Variants in DNM2 observed in about 807,000 individuals in gnomAD.
DNM2 encodes the protein dynamin-2.
DNM2 carries 15 observed loss-of-function variants against 99.0 expected under a neutral mutation model. The ratio of observed to expected loss-of-function variants is 0.15; its 90% CI spans 0.10 to 0.23. The LOEUF (loss-of-function observed/expected upper bound fraction) is 0.23, where lower values mean the gene tolerates loss of function less well. DNM2 is among the 10% of genes least tolerant of loss of function. The pLI, the probability that DNM2 is intolerant of heterozygous loss-of-function variation, is 1.00. For synonymous variants in DNM2, 525 were observed against 481.2 expected, an observed-to-expected ratio of 1.09 and a Z score of -1.19; for missense variants, 742 against 1,189.4, an observed-to-expected ratio of 0.62 and a Z score of 5.53.
intron 6 of DNM2, among the ~76,000 whole-genome samples, chr19:10,785,041 C>T (rs2145971014): frequency 6.6e-6 from 1 of 152,186 alleles, no homozygotes; most frequent in East Asian, 1.9e-4. Flanking sequence ...CCAGGCTTGT[C>T]TCCTAATCTC....
intron 1 of DNM2, among the ~76,000 whole-genome samples, chr19:10,728,960 C>A (rs1482949063): frequency 1.4e-5 from 2 of 147,424 alleles, no homozygotes; most frequent in African/African-American, 2.5e-5. Flanking sequence ...AAAAAAAAGG[C>A]TGTATGCGGT....
At chr19:10,724,468 C>T (rs916413606) in intron 1 of DNM2, among the ~76,000 whole-genome samples, 1 of 152,040 alleles carries the variant, frequency 6.6e-6, no homozygotes, top group African/African-American at 2.4e-5. Flanking sequence ...TGAGCCACTG[C>T]GCCTGGCCAG....
chr19:10,730,306 G>A lies in DNM2; in HGVS notation c.161+11903G>A, dbSNP rs528097660. 7.2e-5 allele frequency among the ~76,000 whole-genome samples: 11 copies of A among 152,256 alleles called. No individual in the cohort carries two copies. In the South Asian group the frequency reaches 2.1e-3, roughly 29 times the overall value. On this transcript the variant is annotated intron_variant, in intron 1 of 20. Coordinates refer to ENST00000389253, the MANE Select transcript of DNM2 (RefSeq NM_001005361.3). Reference sequence around the variant, plus strand: ...AGCCTGGGCAACATGGTGAGACCTCGTCTCTACCAAAAATACAAAAATTAG... The same window carrying A: ...AGCCTGGGCAACATGGTGAGACCTCATCTCTACCAAAAATACAAAAATTAG...
chr19:10,802,215 G>A (rs990542960), intron 11 of DNM2, 73 bp from the exon 12 acceptor site: 2 of 1,542,358 alleles, frequency 1.3e-6, no homozygotes, highest in Admixed American at 3.3e-5. Context: ...GGCAAGGCCA[G>A]GAAATGCTCT....
intron 1 of DNM2, among the ~76,000 whole-genome samples, chr19:10,719,146 T>C (rs558112167): frequency 2.0e-5 from 3 of 151,702 alleles, no homozygotes. Context: ...CTCTCTTCCG[T>C]GTGAATTCTT....
At chr19:10,815,849 C>T (rs1485318086) in intron 15 of DNM2, among the ~76,000 whole-genome samples, 1 of 152,162 alleles carries the variant, frequency 6.6e-6, no homozygotes, top group East Asian at 1.9e-4. Flanking sequence ...CCAGGATAGG[C>T]AGGACTGGGC....
rs2070771478 is a variant in DNM2 at position 10,765,537 on chromosome 19, G to A, written c.235+5726G>A. 2.0e-5 allele frequency among the ~76,000 whole-genome samples: 3 copies of A among 152,242 alleles called. No individual in the cohort carries two copies. Among genetic ancestry groups the A allele is most frequent in the African/African-American group, 2.4e-5 (1 of 41,464 alleles). ...AGACCAAGCTGGCGTGCGTCAGGCTGTGGGCTGGCTGGGATGCCTGCCCAG... is the reference window on the plus strand; with the variant it reads ...AGACCAAGCTGGCGTGCGTCAGGCTATGGGCTGGCTGGGATGCCTGCCCAG... On this transcript the variant is annotated intron_variant, in intron 2 of 20. Transcript: ENST00000389253. The surrounding 1 kb of genome is among the most constrained non-coding windows in gnomAD (Gnocchi z 4.4).
chr19:10,828,460 G>T (rs746955859), intron 18 of DNM2, among the ~76,000 whole-genome samples: 2 of 151,994 alleles, frequency 1.3e-5, no homozygotes, highest in Non-Finnish European at 2.9e-5. Flanking sequence ...GGTGGCAGGC[G>T]CCTGTAGTCC....
At chr19:10,780,082 C>T (rs2071311031) in intron 5 of DNM2, among the ~76,000 whole-genome samples, 2 of 152,162 alleles carry the variant, frequency 1.3e-5, no homozygotes, top group South Asian at 2.1e-4. Flanking sequence ...GGGTTTTCCA[C>T]CTCGATGTCT....
chr19:10,762,203 A>AT (rs1321126817), intron 2 of DNM2, among the ~76,000 whole-genome samples: 1 of 152,040 alleles, frequency 6.6e-6, no homozygotes, highest in East Asian at 1.9e-4. Flanking sequence ...CGCCCGGCTA[A>AT]TTTTTTGTGT....
intron 6 of DNM2, among the ~76,000 whole-genome samples, chr19:10,785,496 A>T (rs1177191112): frequency 1.3e-5 from 2 of 151,738 alleles, no homozygotes; most frequent in Non-Finnish European, 2.9e-5. Context: ...AGTGACACAA[A>T]CACGGCTCAT....
chr19:10,746,180 C>A (rs529786769), intron 1 of DNM2, among the ~76,000 whole-genome samples: 1 of 152,160 alleles, frequency 6.6e-6, no homozygotes, highest in African/African-American at 2.4e-5. Context: ...AGGCTGCTCT[C>A]GAACTCTGGA....
At chr19:10,799,530 TTTTG>T (rs1256862294) in intron 11 of DNM2, among the ~76,000 whole-genome samples, 2,796 of 145,636 alleles carry the variant, frequency 0.019, 42 homozygotes, top group African/African-American at 0.028. Context: ...TGTTGTGGTT[TTTTG>T]TTTTTTTTTT....
intron 12 of DNM2, 73 bp from the exon 13 acceptor site, chr19:10,805,843 C>T (rs1442999917): frequency 1.0e-5 from 16 of 1,600,536 alleles, no homozygotes; most frequent in Non-Finnish European, 8.6e-7. Context: ...GAGAGAACGG[C>T]CACATTCGCC....
At chr19:10,744,660 G>T (rs903330460) in intron 1 of DNM2, among the ~76,000 whole-genome samples, 12 of 152,266 alleles carry the variant, frequency 7.9e-5, no homozygotes, top group African/African-American at 2.4e-4. Context: ...CCCTGTAAGG[G>T]CTGCAGACAC....
intron 7 of DNM2, among the ~76,000 whole-genome samples, chr19:10,789,572 C>T (rs541481951): frequency 6.6e-6 from 1 of 152,172 alleles, no homozygotes; most frequent in East Asian, 1.9e-4. Context: ...ATGGTTCACG[C>T]CTGTATTCCC....
At chr19:10,720,729 C>CA (rs1046094176) in intron 1 of DNM2, among the ~76,000 whole-genome samples, 2 of 151,810 alleles carry the variant, frequency 1.3e-5, no homozygotes, top group African/African-American at 2.4e-5. Flanking sequence ...GATCCGGTTT[C>CA]AAAAAAAGAA....
At chr19:10,787,546 C>T (rs1411522536) in intron 7 of DNM2, among the ~76,000 whole-genome samples, 1 of 151,294 alleles carries the variant, frequency 6.6e-6, no homozygotes, top group Non-Finnish European at 1.5e-5. Context: ...GTGGGTGGAT[C>T]ACCAGGTCAG....
chr19:10,814,668 C>T (rs1028099605), intron 15 of DNM2, among the ~76,000 whole-genome samples: 3 of 152,146 alleles, frequency 2.0e-5, no homozygotes, highest in Non-Finnish European at 2.9e-5. Flanking sequence ...CTGTGAGATC[C>T]GCTCTTCTAC....
Sources: gnomAD v4.1 joint callset for allele counts (sites outside exome capture counted in the v4.1 genomes callset) on GRCh38, gnomAD v4.1.1 for gene constraint, Gnocchi (gnomAD v3.1) non-coding constraint, MANE v1.5 for transcripts, NCBI Gene and HGNC (gene_info 2026-07-23, HGNC 2026-07-21) for gene names.